The following UBE2Q2 variants were observed in gnomAD, a reference collection of about 807,000 sequenced individuals.
The protein encoded by UBE2Q2 is ubiquitin conjugating enzyme E2 Q2.
In UBE2Q2, 54 loss-of-function variants were observed where a neutral mutation model predicts 59.9. The ratio of observed to expected loss-of-function variants is 0.90; its 90% CI spans 0.72 to 1.13. The LOEUF is 1.13. UBE2Q2 is among the 50% of genes most tolerant of loss of function. The probability of loss-of-function intolerance (pLI) is 0.00; values close to 1 mark genes in which losing one functional copy is unlikely to be tolerated. For missense variants in UBE2Q2, 433 were observed against 441.9 expected, an observed-to-expected ratio of 0.98 and a Z score of 0.18; for synonymous variants, 165 against 155.2, an observed-to-expected ratio of 1.06 and a Z score of -0.47.
intron 9 of UBE2Q2, among the ~76,000 whole-genome samples, chr15:75,888,759 A>G (rs533454734): frequency 6.6e-6 from 1 of 152,362 alleles, no homozygotes; most frequent in South Asian, 2.1e-4. Context: ...TCTTGTGTTC[A>G]ACAAACATTT....
rs745527951 is a variant in UBE2Q2, at chr15:75,873,473, A to G, written c.493A>G (p.Ile165Val). The change falls in exon 5 of 13, where the codon ATT (isoleucine) becomes GTT (valine). Residue 165 changes from isoleucine to valine, a missense_variant. Coordinates refer to ENST00000267938, the MANE Select transcript of UBE2Q2 (RefSeq NM_173469.4). Reference sequence around the variant, plus strand: ...CTATGAGATGAAGGAAGAAGAGCCTATTAGTGGGAAAAAGTCAGAGGATGA... The same window carrying G: ...CTATGAGATGAAGGAAGAAGAGCCTGTTAGTGGGAAAAAGTCAGAGGATGA... ...DHYEMKEEEP[I>V]SGKKSEDEGI... The G allele has an allele frequency of 6.2e-6, 10 of 1,613,716 alleles. No homozygotes were observed. In the South Asian group the frequency reaches 8.8e-5, roughly 14 times the overall value.
At chr15:75,871,881 G>C (rs561723523) in intron 4 of UBE2Q2, among the ~76,000 whole-genome samples, 38 of 152,332 alleles carry the variant, frequency 2.5e-4, no homozygotes, top group South Asian at 1.0e-3. Flanking sequence ...GTTTGAGAAA[G>C]ATAATGTTGA....
chr15:75,870,564 C>T (rs1001725166), intron 4 of UBE2Q2, among the ~76,000 whole-genome samples: 10 of 152,094 alleles, frequency 6.6e-5, no homozygotes, highest in African/African-American at 1.9e-4. Context: ...TTTTTCCCCT[C>T]ATAAGATAAT....
At chr15:75,867,250 A>G (rs1897545725) in intron 3 of UBE2Q2, among the ~76,000 whole-genome samples, 2 of 152,186 alleles carry the variant, frequency 1.3e-5, no homozygotes, top group African/African-American at 2.4e-5. Flanking sequence ...TGGTTTTGAC[A>G]CTCATAGAGG....
At chr15:75,864,118 G>C (rs1481155475) in intron 3 of UBE2Q2, among the ~76,000 whole-genome samples, 1 of 152,128 alleles carries the variant, frequency 6.6e-6, no homozygotes, top group Non-Finnish European at 1.5e-5. Context: ...AACACCGTTA[G>C]AATGGATATG....
intron 7 of UBE2Q2, among the ~76,000 whole-genome samples, chr15:75,878,740 TC>T: frequency 1.3e-5 from 2 of 152,226 alleles, no homozygotes; most frequent in Non-Finnish European, 2.9e-5. Context: ...CAAACTTTTC[TC>T]CTTGAACCCT....
chr15:75,846,322 C>T (rs1223674009), intron 1 of UBE2Q2, among the ~76,000 whole-genome samples: 3 of 152,172 alleles, frequency 2.0e-5, no homozygotes, highest in Middle Eastern at 3.2e-3. Flanking sequence ...ACTGCAACCT[C>T]CGCCTCCCAG....
rs1006787133 is a variant in UBE2Q2 at position 75,900,981 on chromosome 15, T to C, written c.*1523T>C. Reference sequence around the variant, plus strand: ...ATTTTATTTTTAATTGCAGATTTATTTGGCAATGTACAGTAAATTTTGTAA... The same window carrying C: ...ATTTTATTTTTAATTGCAGATTTATCTGGCAATGTACAGTAAATTTTGTAA... On this transcript the variant is annotated 3_prime_UTR_variant, in exon 13 of 13. Coordinates refer to ENST00000267938, the MANE Select transcript of UBE2Q2 (RefSeq NM_173469.4). The C allele has an allele frequency of 2.0e-5, 3 of 152,686 alleles. No homozygotes were observed. The highest frequency in any genetic ancestry group is 4.4e-5 in the Non-Finnish European group (3 of 68,048). 9.5% of individuals were successfully genotyped at this position (152,686 alleles called of 1,614,324 possible).
chr15:75,869,016 T>C lies in UBE2Q2; in HGVS notation c.447+6T>C, dbSNP rs1284126454. 1.2e-6 allele frequency: 2 copies of C among 1,608,290 alleles called. No individual in the cohort carries two copies. The highest frequency in any genetic ancestry group is 2.7e-5 in the African/African-American group (2 of 74,602). ...AAGAAGAAGAGATGGCTGAAGTAGGTATTTTATATAAAAGAAGAGTTCATA... is the reference window on the plus strand; with the variant it reads ...AAGAAGAAGAGATGGCTGAAGTAGGCATTTTATATAAAAGAAGAGTTCATA... On this transcript the variant is annotated splice_donor_region_variant and intron_variant, in intron 4 of 12. Coordinates refer to ENST00000267938, the MANE Select transcript of UBE2Q2 (RefSeq NM_173469.4).
chr15:75,849,565 A>G (rs1160264408), intron 1 of UBE2Q2, among the ~76,000 whole-genome samples: 2 of 152,192 alleles, frequency 1.3e-5, no homozygotes, highest in African/African-American at 4.8e-5. Context: ...TGACAGGTAA[A>G]GAGGTTGGTT....
chr15:75,852,165 C>T (rs1896666438), intron 1 of UBE2Q2, among the ~76,000 whole-genome samples: 1 of 152,212 alleles, frequency 6.6e-6, no homozygotes, highest in African/African-American at 2.4e-5. Context: ...GCATGAGCCA[C>T]CATTCCCAGC....
intron 3 of UBE2Q2, among the ~76,000 whole-genome samples, chr15:75,868,687 G>C (rs1172772955): frequency 6.6e-6 from 1 of 151,926 alleles, no homozygotes; most frequent in Non-Finnish European, 1.5e-5. Flanking sequence ...ATTTTTTTCT[G>C]TTTTGCTTTA....
chr15:75,898,661 C>G (rs986730501), intron 12 of UBE2Q2, among the ~76,000 whole-genome samples: 3 of 152,180 alleles, frequency 2.0e-5, no homozygotes, highest in Non-Finnish European at 4.4e-5. Flanking sequence ...GCACCTGCTG[C>G]GATGGCTTCC....
intron 8 of UBE2Q2, among the ~76,000 whole-genome samples, chr15:75,882,895 G>A (rs1337441615): frequency 2.6e-5 from 4 of 152,104 alleles, no homozygotes; most frequent in Non-Finnish European, 5.9e-5. Flanking sequence ...TTATCTCCCT[G>A]TGAGCTCTGT....
chr15:75,882,513 G>A (rs964778343), intron 8 of UBE2Q2, among the ~76,000 whole-genome samples: 2 of 152,152 alleles, frequency 1.3e-5, no homozygotes, highest in African/African-American at 4.8e-5. Flanking sequence ...GGATTCACAT[G>A]TTTAAAGATC....
intron 1 of UBE2Q2, chr15:75,844,518 C>T (rs1896220738): frequency 3.2e-6 from 5 of 1,548,714 alleles, no homozygotes; most frequent in Non-Finnish European, 4.4e-6. Flanking sequence ...GTGGCCCCTC[C>T]CTTGTGTGTA....
chr15:75,871,445 C>A (rs1193081107), intron 4 of UBE2Q2, among the ~76,000 whole-genome samples: 1 of 152,174 alleles, frequency 6.6e-6, no homozygotes, highest in African/African-American at 2.4e-5. Context: ...TCCCTTCCCA[C>A]GAGGCCATAT....
intron 6 of UBE2Q2, among the ~76,000 whole-genome samples, chr15:75,877,236 G>T (rs1413093034): frequency 3.3e-5 from 5 of 150,274 alleles, no homozygotes; most frequent in African/African-American, 4.9e-5. Flanking sequence ...AATTCTTAGC[G>T]TGAGCAAATC....
Position 75,900,190 on chromosome 15 carries a change from T to G in UBE2Q2, c.*732T>G, listed in dbSNP as rs1899676220. On this transcript the variant is annotated 3_prime_UTR_variant, in exon 13 of 13. Transcript: ENST00000267938. ...TGTTTCTTATGAACAAGAGCCACAGTACAGAGCTTCAAGTTATTTAAAATA... is the reference window on the plus strand; with the variant it reads ...TGTTTCTTATGAACAAGAGCCACAGGACAGAGCTTCAAGTTATTTAAAATA... 6.6e-6 allele frequency: 1 copy of G among 152,240 alleles called. No individual in the cohort carries two copies. Among genetic ancestry groups the G allele is most frequent in the African/African-American group, 2.4e-5 (1 of 41,460 alleles). 9.4% of individuals were successfully genotyped at this position (152,240 alleles called of 1,614,324 possible).
Sources: allele counts gnomAD v4.1 joint callset (sites outside exome capture counted in the v4.1 genomes callset), GRCh38; gene constraint gnomAD v4.1.1; transcripts MANE v1.5; gene names NCBI Gene and HGNC (gene_info 2026-07-23, HGNC 2026-07-21).